The following INSYN1 variants were observed in gnomAD, a reference collection of about 807,000 sequenced individuals.
INSYN1 encodes the protein UPF0583 protein C15orf59.
In INSYN1, 7 loss-of-function variants were observed where a neutral mutation model predicts 17.1. That is an observed-to-expected ratio of 0.41 (90% CI 0.23 to 0.77). The LOEUF (loss-of-function observed/expected upper bound fraction) is 0.77, where lower values mean the gene tolerates loss of function less well. INSYN1 is among the 30% of genes least tolerant of loss of function. The pLI is 0.32. For missense variants in INSYN1, 339 were observed against 400.6 expected (o/e 0.85, Z 1.31); for synonymous variants, 174 against 166.3 (o/e 1.05, Z -0.36).
intron 2 of INSYN1, among the ~76,000 whole-genome samples, chr15:73,742,923 G>A (rs959311095): frequency 2.0e-5 from 3 of 152,316 alleles, no homozygotes; most frequent in East Asian, 1.9e-4. Context: ...TCCAGGTGCT[G>A]TTGCTGCTGG....
At chr15:73,746,530 T>C (rs1236006265) in intron 2 of INSYN1, among the ~76,000 whole-genome samples, 1 of 152,110 alleles carries the variant, frequency 6.6e-6, no homozygotes, top group Non-Finnish European at 1.5e-5. Context: ...CCCTTGCCGA[T>C]GGGACTGCAC....
intron 2 of INSYN1, among the ~76,000 whole-genome samples, chr15:73,743,401 C>T (rs78058984): frequency 9.7e-4 from 148 of 152,288 alleles, no homozygotes; most frequent in Admixed American, 1.6e-3. Context: ...CCTGCATTCC[C>T]GAGTCCCACG....
Position 73,740,091 on chromosome 15 carries a change from G to C in INSYN1, c.708C>G (p.Ala236=). ...AHAGPHKPSP[A]PYKSRRSPLT... The stretch of plus-strand genomic sequence containing the variant: ...GTGGAGAGCGCCGTGACTTGTAGGG[G>C]GCTGGGGAGGGCTTGTGGGGGCCTG... Residue 236 remains alanine, a synonymous_variant, in exon 3 of 3, where the codon GCC becomes GCG. Coordinates refer to ENST00000569673, the MANE Select transcript of INSYN1 (RefSeq NM_001039614.3). 6.2e-7 allele frequency: 1 copy of C among 1,613,680 alleles called. No homozygotes were observed. Among genetic ancestry groups the C allele is most frequent in the Non-Finnish European group, 8.5e-7 (1 of 1,179,768 alleles).
rs908749179 is a variant in INSYN1, at chr15:73,735,918, A to C, written c.*3999T>G. On this transcript the variant is annotated 3_prime_UTR_variant, in exon 3 of 3. Coordinates refer to ENST00000569673, the MANE Select transcript of INSYN1 (RefSeq NM_001039614.3). ...AATGCCCAGTGCCTAGCACGTGCCC[A>C]GTGGACATGAGTTATTCATCATGCT... 2 of 152,342 alleles carry C rather than the reference A, an allele frequency of 1.3e-5. No homozygotes were observed. Among genetic ancestry groups the C allele is most frequent in the Admixed American group, 6.5e-5 (1 of 15,294 alleles). The allele number at this position is 152,342 out of a possible 1,614,324, so 9.4% of individuals were successfully genotyped here.
rs1248755099 is a variant in INSYN1 at position 73,753,104 on chromosome 15, G to A, written c.-1562C>T. On this transcript the variant is annotated 5_prime_UTR_variant, in exon 1 of 3. Coordinates refer to ENST00000569673, the MANE Select transcript of INSYN1 (RefSeq NM_001039614.3). The surrounding 1 kb of genome is among the most constrained non-coding windows in gnomAD (Gnocchi z 4.2). ...GCCCCCGGGCGCCGGGTCGCCGCCG[G>A]TGGGGCAAACAGGCGCCGGGTCGGG... Among the ~76,000 whole-genome samples the A allele has an allele frequency of 6.7e-6, 1 of 149,636 alleles. No homozygotes were observed. The highest frequency in any genetic ancestry group is 1.5e-5 in the Non-Finnish European group (1 of 67,134).
intron 2 of INSYN1, among the ~76,000 whole-genome samples, chr15:73,743,827 T>A (rs1392074045): frequency 6.9e-4 from 1 of 1,448 alleles, no homozygotes. Flanking sequence ...AGACTCTGTC[T>A]CAAAAAAAAA....
At chr15:73,743,701 G>A (rs1259012878) in intron 2 of INSYN1, among the ~76,000 whole-genome samples, 1 of 151,010 alleles carries the variant, frequency 6.6e-6, no homozygotes, top group Non-Finnish European at 1.5e-5. Context: ...GTGGTGGTGC[G>A]TGCATAGAGT....
At chr15:73,745,409 G>A (rs2141468766) in intron 2 of INSYN1, among the ~76,000 whole-genome samples, 1 of 152,210 alleles carries the variant, frequency 6.6e-6, no homozygotes, top group East Asian at 1.9e-4. Context: ...CTTCGAGAAG[G>A]AAGCCTTCCC....
chr15:73,739,869 T>TATA lies in INSYN1; in HGVS notation c.*47_*48insTAT, dbSNP rs1567034841. 12 of 354,330 alleles carry TATA rather than the reference T, an allele frequency of 3.4e-5. No homozygotes were observed. Among genetic ancestry groups the TATA allele is most frequent in the African/African-American group, 2.3e-4 (9 of 39,936 alleles). 21.9% of individuals were successfully genotyped at this position (354,330 alleles called of 1,614,324 possible). A position where few individuals can be genotyped will look rare whatever the true frequency, so the allele number is the denominator to read the frequency against. The stretch of plus-strand genomic sequence containing the variant: ...TATATATATATATATATATATATAT[T>TATA]TATTTATAGCTCTATGTGCCCACCG... On this transcript the variant is annotated 3_prime_UTR_variant, in exon 3 of 3. Coordinates refer to ENST00000569673, the MANE Select transcript of INSYN1 (RefSeq NM_001039614.3).
rs562647511 is a variant in INSYN1 at position 73,740,610 on chromosome 15, G to A, written c.189C>T (p.Asp63=). The A allele has an allele frequency of 1.9e-6, 3 of 1,613,174 alleles. No homozygotes were observed. Among genetic ancestry groups the A allele is most frequent in the Non-Finnish European group, 2.5e-6 (3 of 1,179,386 alleles). The part of the protein sequence containing the change: ...VVSQIDKLTS[D]FDFELEPDDW... Reference sequence around the variant, plus strand: ...CGTCCGGCTCCAGTTCAAAGTCGAAGTCCGAGGTTAGCTTATCGATCTGGC... The same window carrying A: ...CGTCCGGCTCCAGTTCAAAGTCGAAATCCGAGGTTAGCTTATCGATCTGGC... The change falls in exon 3 of 3, where the codon GAC becomes GAT. Residue 63 remains aspartate, a synonymous_variant. Transcript: ENST00000569673.
chr15:73,740,709 G>T, intron 2 of INSYN1, 67 bp from the exon 3 acceptor site: 2 of 1,260,600 alleles, frequency 1.6e-6, no homozygotes, highest in South Asian at 1.3e-5. Flanking sequence ...AGGTGTGAGT[G>T]TGTCTCCACC....
intron 2 of INSYN1, among the ~76,000 whole-genome samples, chr15:73,743,482 TA>T (rs896657327): frequency 7.7e-4 from 117 of 152,108 alleles, no homozygotes; most frequent in African/African-American, 2.3e-3. Context: ...TCCTGTCCTA[TA>T]AAAGGAAGTA....
intron 2 of INSYN1, among the ~76,000 whole-genome samples, chr15:73,746,065 TC>T (rs1901823007): frequency 4.4e-5 from 1 of 22,760 alleles, no homozygotes; most frequent in South Asian, 1.4e-3. Context: ...CCACCTCACC[TC>T]CCCTGACAAG....
In INSYN1 at chr15:73,751,707, G is replaced by C. The variant is rs1901989216; in HGVS notation, c.-567-10C>G. On this transcript the variant is annotated splice_polypyrimidine_tract_variant and intron_variant, in intron 1 of 2. Transcript: ENST00000569673. Reference sequence around the variant, plus strand: ...GGAAGAGGGCAGCCCCCTGCGGAGAGAGCGAGCCTGGCGTCAGCCCTCCCA... The same window carrying C: ...GGAAGAGGGCAGCCCCCTGCGGAGACAGCGAGCCTGGCGTCAGCCCTCCCA... 1 of 153,810 alleles carries C rather than the reference G, an allele frequency of 6.5e-6. No individual in the cohort carries two copies. The highest frequency in any genetic ancestry group is 6.4e-5 in the Admixed American group (1 of 15,676). The allele number at this position is 153,810 out of a possible 1,614,324, so 9.5% of individuals were successfully genotyped here.
rs1901665956 is a variant in INSYN1, at chr15:73,740,533, A to G, written c.266T>C (p.Met89Thr). 1 of 1,613,992 alleles carries G rather than the reference A, an allele frequency of 6.2e-7. No homozygotes were observed. Among genetic ancestry groups the G allele is most frequent in the Non-Finnish European group, 8.5e-7 (1 of 1,180,028 alleles). The change falls in exon 3 of 3, where the codon ATG becomes ACG. Residue 89 changes from methionine (M) to threonine (T), a missense_variant. Met to Thr is a moderately conservative substitution (Grantham distance 81, BLOSUM62 -1). Coordinates refer to ENST00000569673, the MANE Select transcript of INSYN1 (RefSeq NM_001039614.3). ...GTGGCCCAGGTCAAAGGGGCCACCC[A>G]TGCCCGCCTTGTCACTGCTAGAGGT... is the stretch of plus-strand genomic sequence containing the variant. ...SSTSSSDKAGMGGPFDLGHLD... is the reference protein window; with the variant it reads ...SSTSSSDKAGTGGPFDLGHLD...
At chr15:73,747,882 T>C (rs1252636333) in intron 2 of INSYN1, among the ~76,000 whole-genome samples, 2 of 152,190 alleles carry the variant, frequency 1.3e-5, no homozygotes. Flanking sequence ...AGCACAATTT[T>C]AGCTTTCAAA....
intron 2 of INSYN1, among the ~76,000 whole-genome samples, chr15:73,749,700 C>T (rs1327466092): frequency 6.6e-6 from 1 of 152,248 alleles, no homozygotes; most frequent in East Asian, 1.9e-4. Context: ...GCAACCCAGA[C>T]TATGGCCGGC....
intron 2 of INSYN1, 115 bp downstream of exon 2, chr15:73,750,860 G>C: frequency 8.8e-7 from 1 of 1,130,296 alleles, no homozygotes; most frequent in Non-Finnish European, 1.3e-6. Context: ...CCCCAGTAGA[G>C]TGACACATGT....
chr15:73,741,604 G>T (rs1465500332), intron 2 of INSYN1, among the ~76,000 whole-genome samples: 1 of 152,152 alleles, frequency 6.6e-6, no homozygotes, highest in African/African-American at 2.4e-5. Flanking sequence ...ACAGGGATGG[G>T]ACAGGGCAAG....
Sources: gnomAD v4.1 joint callset for allele counts (sites outside exome capture counted in the v4.1 genomes callset) on GRCh38, gnomAD v4.1.1 for gene constraint, Gnocchi (gnomAD v3.1) non-coding constraint, MANE v1.5 for transcripts, NCBI Gene and HGNC (gene_info 2026-07-23, HGNC 2026-07-21) for gene names.